Variants in TNFRSF11B observed in about 807,000 individuals in gnomAD.
The protein encoded by TNFRSF11B is tumor necrosis factor receptor superfamily member 11B.
A neutral mutation model predicts 43.4 loss-of-function variants in TNFRSF11B; 16 were observed. The ratio of observed to expected loss-of-function variants is 0.37; its 90% confidence interval spans 0.25 to 0.56. TNFRSF11B has a LOEUF of 0.56. Among genes scored for constraint, TNFRSF11B ranks in the 20% least tolerant of loss-of-function variants. The probability of loss-of-function intolerance (pLI) is 0.80; values close to 1 mark genes in which losing one functional copy is unlikely to be tolerated. For synonymous variants in TNFRSF11B, 185 were observed against 181.8 expected (o/e 1.02, Z -0.14); for missense variants, 444 against 490.1 (o/e 0.91, Z 0.89).
At chr8:118,925,230 G>C (rs1043648376) in intron 4 of TNFRSF11B, among the ~76,000 whole-genome samples, 7 of 152,200 alleles carry the variant, frequency 4.6e-5, no homozygotes, top group Non-Finnish European at 1.0e-4. Context: ...CCATGAGGAG[G>C]ATATCTGAAA....
chr8:118,927,530 C>T (rs999113227), intron 3 of TNFRSF11B, among the ~76,000 whole-genome samples: 2 of 147,150 alleles, frequency 1.4e-5, no homozygotes, highest in African/African-American at 5.0e-5. Flanking sequence ...TTTGATCACT[C>T]CTTTTAATAC....
chr8:118,942,761 ATTCAAGC>A (rs1812505721), intron 1 of TNFRSF11B, among the ~76,000 whole-genome samples: 1 of 152,162 alleles, frequency 6.6e-6, no homozygotes, highest in African/African-American at 2.4e-5. Flanking sequence ...GCTAGCACAC[ATTCAAGC>A]TGGGATTTAA....
At chr8:118,940,294 C>T (rs1040661618) in intron 1 of TNFRSF11B, among the ~76,000 whole-genome samples, 1 of 152,016 alleles carries the variant, frequency 6.6e-6, no homozygotes, top group Non-Finnish European at 1.5e-5. Flanking sequence ...CAAACCTGCA[C>T]GTTGTGCACA....
intron 2 of TNFRSF11B, 94 bp downstream of exon 2, chr8:118,932,837 T>C (rs1404645671): frequency 6.5e-7 from 1 of 1,547,396 alleles, no homozygotes; most frequent in Non-Finnish European, 8.8e-7. Context: ...TTTGCTATCC[T>C]ATAATGTCAT....
At chr8:118,935,160 G>A (rs1586956688) in intron 1 of TNFRSF11B, among the ~76,000 whole-genome samples, 2 of 152,162 alleles carry the variant, frequency 1.3e-5, no homozygotes, top group African/African-American at 2.4e-5. Context: ...CCCTTGACCT[G>A]AGAGTTTCTA....
intron 1 of TNFRSF11B, among the ~76,000 whole-genome samples, chr8:118,944,640 T>G (rs1187392308): frequency 6.6e-6 from 1 of 152,132 alleles, no homozygotes; most frequent in South Asian, 2.1e-4. Context: ...TTACTGGATA[T>G]TAAAAGAAGA....
chr8:118,930,666 C>T (rs1037787976), intron 2 of TNFRSF11B: 5 of 415,276 alleles, frequency 1.2e-5, no homozygotes, highest in Non-Finnish European at 2.5e-5. Flanking sequence ...CCCGCCTTGA[C>T]CTCTCAAACT....
In TNFRSF11B at chr8:118,928,708, G is replaced by A. The variant is rs186169637; in HGVS notation, c.592+30C>T. ...GAGAGAGAGATGATACTACAAAATC[G>A]TACAAAGACGTATTTTGGAATGTAA... On this transcript the variant is annotated intron_variant, in intron 3 of 4. Coordinates refer to ENST00000297350, the MANE Select transcript of TNFRSF11B (RefSeq NM_002546.4). The A allele has an allele frequency of 1.5e-4, 242 of 1,607,864 alleles. No individual in the cohort carries two copies. The African/African-American group carries it at 1.9e-3, about 12-fold the overall frequency.
intron 1 of TNFRSF11B, among the ~76,000 whole-genome samples, chr8:118,942,541 C>T (rs1812501432): frequency 6.6e-6 from 1 of 152,008 alleles, no homozygotes; most frequent in Non-Finnish European, 1.5e-5. Context: ...ATGTGCGAAA[C>T]ATCATATTGG....
intron 1 of TNFRSF11B, among the ~76,000 whole-genome samples, chr8:118,936,741 A>C (rs528845673): frequency 2.0e-5 from 3 of 152,126 alleles, no homozygotes; most frequent in Non-Finnish European, 4.4e-5. Flanking sequence ...TGTCTGTAGA[A>C]GAAGGTACTC....
intron 1 of TNFRSF11B, among the ~76,000 whole-genome samples, chr8:118,951,279 CTAAT>C (rs1471372300): frequency 2.6e-5 from 4 of 152,108 alleles, no homozygotes; most frequent in East Asian, 1.9e-4. Context: ...ATCTTTTCTC[CTAAT>C]TATTCAAAAT....
At position 118,933,000 on chromosome 8, in the gene TNFRSF11B, G is replaced by A. The variant is rs201167408; in HGVS notation, c.331C>T (p.Arg111Cys). Residue 111 changes from arginine (R) to cysteine (C), a missense_variant, in exon 2 of 5, where the codon CGC becomes TGC. Coordinates refer to ENST00000297350, the MANE Select transcript of TNFRSF11B (RefSeq NM_002546.4). ...HNRVCECKEG[R>C]YLEIEFCLKH... is the part of the protein sequence containing the mutation. ...AAGCAGAACTCTATCTCAAGGTAGC[G>A]CCCTTCCTTGCATTCGCACACGCGG... 21 of 1,614,030 alleles carry A rather than the reference G, an allele frequency of 1.3e-5. No individual in the cohort carries two copies. Among genetic ancestry groups the A allele is most frequent in the Non-Finnish European group, 1.3e-5 (15 of 1,180,028 alleles).
chr8:118,931,225 C>T (rs1812324204), intron 2 of TNFRSF11B, among the ~76,000 whole-genome samples: 1 of 152,146 alleles, frequency 6.6e-6, no homozygotes, highest in African/African-American at 2.4e-5. Flanking sequence ...GTCTTTCCTT[C>T]TCTTTGGGCT....
chr8:118,944,961 A>G (rs1453726506), intron 1 of TNFRSF11B, among the ~76,000 whole-genome samples: 3 of 152,090 alleles, frequency 2.0e-5, no homozygotes, highest in African/African-American at 4.8e-5. Context: ...CACATTCATA[A>G]CTTCTATGCA....
chr8:118,942,010 A>G (rs1338423625), intron 1 of TNFRSF11B, among the ~76,000 whole-genome samples: 1 of 152,142 alleles, frequency 6.6e-6, no homozygotes, highest in Admixed American at 6.5e-5. Context: ...TTCCAGCTAC[A>G]ATCCCTGGCA....
At chr8:118,938,633 T>A (rs1563692003) in intron 1 of TNFRSF11B, among the ~76,000 whole-genome samples, 1 of 152,134 alleles carries the variant, frequency 6.6e-6, no homozygotes, top group Non-Finnish European at 1.5e-5. Flanking sequence ...GGGCATAGAG[T>A]TAGAAGATCA....
At chr8:118,948,789 AAAC>A (rs982263196) in intron 1 of TNFRSF11B, among the ~76,000 whole-genome samples, 7 of 96,770 alleles carry the variant, frequency 7.2e-5, no homozygotes, top group East Asian at 3.3e-4. Context: ...ACAAACAAAC[AAAC>A]AAAAAAAAAC....
intron 1 of TNFRSF11B, among the ~76,000 whole-genome samples, chr8:118,934,398 A>C (rs1389289163): frequency 1.3e-5 from 2 of 152,236 alleles, no homozygotes; most frequent in African/African-American, 2.4e-5. Flanking sequence ...ACATCTAAAA[A>C]CAATATTAAG....
chr8:118,938,542 C>T (rs6993910), intron 1 of TNFRSF11B, among the ~76,000 whole-genome samples: 68,553 of 151,872 alleles, frequency 0.45, 16,386 homozygotes, highest in Non-Finnish European at 0.54. Flanking sequence ...TAACATTTAC[C>T]AAATGCTTTC....
Sources: gnomAD v4.1 joint callset for allele counts (sites outside exome capture counted in the v4.1 genomes callset) on GRCh38, gnomAD v4.1.1 for gene constraint, MANE v1.5 for transcripts, NCBI Gene and HGNC (gene_info 2026-07-23, HGNC 2026-07-21) for gene names.